Variants in FAM184A observed in about 807,000 individuals in gnomAD.
The protein encoded by FAM184A is family with sequence similarity 184 member A.
Under a neutral mutation model 143.8 loss-of-function variants are expected in FAM184A, and 99 were observed. That is an observed-to-expected ratio of 0.69 (90% CI 0.58 to 0.81). The LOEUF is 0.81. FAM184A is among the 40% of genes least tolerant of loss of function. The pLI is 0.00. For missense variants in FAM184A, 1,217 were observed against 1,310.5 expected, an observed-to-expected ratio of 0.93 and a Z score of 1.10; for synonymous variants, 427 against 446.4, an observed-to-expected ratio of 0.96 and a Z score of 0.55.
At chr6:118,965,039 C>G (rs1783454948) in intron 15 of FAM184A, among the ~76,000 whole-genome samples, 1 of 152,136 alleles carries the variant, frequency 6.6e-6, no homozygotes, top group African/African-American at 2.4e-5. Context: ...CTAGCTGTTT[C>G]ACAGGGCTGA....
intron 1 of FAM184A, among the ~76,000 whole-genome samples, chr6:119,137,940 G>A (rs1454595684): frequency 1.3e-5 from 2 of 152,200 alleles, no homozygotes; most frequent in Admixed American, 1.3e-4. Flanking sequence ...TAGCAAGGCC[G>A]GGTGGAATAG....
At chr6:119,025,691 T>C (rs1785608172) in intron 1 of FAM184A, 1 of 494,482 alleles carries the variant, frequency 2.0e-6, no homozygotes, top group South Asian at 1.5e-5. Flanking sequence ...CACGGTGAAA[T>C]TTTCATGACT....
intron 1 of FAM184A, among the ~76,000 whole-genome samples, chr6:119,135,684 T>C (rs139973559): frequency 6.6e-6 from 1 of 152,056 alleles, no homozygotes; most frequent in Non-Finnish European, 1.5e-5. Context: ...TTCACAAATG[T>C]TACTACAAAA....
At chr6:119,035,843 G>A (rs965772094) in intron 1 of FAM184A, among the ~76,000 whole-genome samples, 7 of 151,968 alleles carry the variant, frequency 4.6e-5, no homozygotes, top group African/African-American at 1.7e-4. Flanking sequence ...TGGAACAAAC[G>A]TACATCTTAC....
intron 9 of FAM184A, among the ~76,000 whole-genome samples, chr6:118,998,959 T>A (rs758029647): frequency 6.6e-6 from 1 of 152,206 alleles, no homozygotes. Flanking sequence ...TAGAAAATAA[T>A]CTGTAGGTGG....
intron 1 of FAM184A, among the ~76,000 whole-genome samples, chr6:119,139,074 G>A (rs911330584): frequency 2.6e-5 from 4 of 152,176 alleles, no homozygotes; most frequent in Admixed American, 6.5e-5. Flanking sequence ...TGGGGGCCAG[G>A]ACGTGGACCT....
chr6:118,979,467 T>A lies in FAM184A; in HGVS notation c.2353A>T (p.Lys785Ter). ...QKHSAELQSLKDAHRESMEGF... is the reference protein window; with the variant it reads ...QKHSAELQSL ...TCCATTGACTCTCTGTGTGCATCTT[T>A]TAGTGATTGAAGCTCTGCAGAATGC... Residue 785 changes from lysine (K) to a stop codon, truncating the protein, a stop_gained, in exon 11 of 18, where the codon AAA becomes TAA. Transcript: ENST00000338891. LOFTEE classifies it high-confidence loss of function. 1 of 1,613,870 alleles carries A rather than the reference T, an allele frequency of 6.2e-7. No individual in the cohort carries two copies. Among genetic ancestry groups the A allele is most frequent in the South Asian group, 1.1e-5 (1 of 91,034 alleles).
chr6:119,130,821 G>C (rs561802677), intron 1 of FAM184A, among the ~76,000 whole-genome samples: 1 of 151,264 alleles, frequency 6.6e-6, no homozygotes, highest in South Asian at 2.1e-4. Flanking sequence ...GTGGGTATTT[G>C]ACATAGTGTC....
chr6:119,096,318 T>C (rs1487048127), intron 1 of FAM184A, among the ~76,000 whole-genome samples: 3 of 152,230 alleles, frequency 2.0e-5, no homozygotes, highest in Admixed American at 2.0e-4. Flanking sequence ...AAAGGAGTAC[T>C]TTACACTGCT....
At chr6:119,104,796 G>A (rs973107592) in intron 1 of FAM184A, among the ~76,000 whole-genome samples, 2 of 152,160 alleles carry the variant, frequency 1.3e-5, no homozygotes, top group Admixed American at 1.3e-4. Flanking sequence ...ACTTTAGAGT[G>A]CAGAAAGCTA....
At chr6:118,975,247 A>G (rs2114568110) in intron 12 of FAM184A, 39 bp from the exon 13 acceptor site, 1 of 1,391,588 alleles carries the variant, frequency 7.2e-7, no homozygotes, top group Non-Finnish European at 9.7e-7. Context: ...AGTTTTCTAC[A>G]TATTTGATTT....
chr6:119,091,750 A>G (rs181775190), intron 1 of FAM184A, among the ~76,000 whole-genome samples: 119 of 152,326 alleles, frequency 7.8e-4, no homozygotes, highest in African/African-American at 2.8e-3. Context: ...ATCGGATGCA[A>G]TCAATTTGCC....
intron 1 of FAM184A, among the ~76,000 whole-genome samples, chr6:119,143,929 C>T (rs774915645): frequency 2.0e-5 from 3 of 152,024 alleles, no homozygotes; most frequent in Non-Finnish European, 4.4e-5. Context: ...CATTGTACAA[C>T]ATTTAAAAAG....
At chr6:119,053,961 G>A (rs916649296) in intron 1 of FAM184A, among the ~76,000 whole-genome samples, 1 of 152,134 alleles carries the variant, frequency 6.6e-6, no homozygotes, top group Non-Finnish European at 1.5e-5. Context: ...ATAGTTTAAT[G>A]AGACGAATAT....
intron 9 of FAM184A, among the ~76,000 whole-genome samples, chr6:118,992,363 A>C (rs1224178390): frequency 6.6e-6 from 1 of 152,190 alleles, no homozygotes; most frequent in Non-Finnish European, 1.5e-5. Context: ...GTGTTCCCTT[A>C]GCCTCAGATT....
chr6:118,981,515 A>G (rs975368046), intron 9 of FAM184A, among the ~76,000 whole-genome samples: 1 of 152,238 alleles, frequency 6.6e-6, no homozygotes, highest in South Asian at 2.1e-4. Context: ...GATGGAAGGC[A>G]GACATAAGTT....
At chr6:119,005,540 G>A (rs977195106) in intron 7 of FAM184A, 2 of 152,240 alleles carry the variant, frequency 1.3e-5, no homozygotes, top group African/African-American at 4.8e-5. Context: ...TAAGCACTGT[G>A]CTATAAATGG....
intron 5 of FAM184A, among the ~76,000 whole-genome samples, 183 bp from the exon 6 acceptor site, chr6:119,011,614 A>T (rs138228382): frequency 6.6e-6 from 1 of 152,156 alleles, no homozygotes; most frequent in Admixed American, 6.6e-5. Flanking sequence ...TATCATTCTG[A>T]CTCATTTATA....
At chr6:119,094,938 G>A (rs1176593181) in intron 1 of FAM184A, among the ~76,000 whole-genome samples, 3 of 152,132 alleles carry the variant, frequency 2.0e-5, no homozygotes, top group Admixed American at 2.0e-4. Flanking sequence ...GTTCTAATGG[G>A]GGAATATTTC....
Sources: gnomAD v4.1 joint callset for allele counts (sites outside exome capture counted in the v4.1 genomes callset) on GRCh38, gnomAD v4.1.1 for gene constraint, MANE v1.5 for transcripts, NCBI Gene and HGNC (gene_info 2026-07-23, HGNC 2026-07-21) for gene names.